The following ZNF536 variants were observed in gnomAD, a reference collection of about 807,000 sequenced individuals.
ZNF536 encodes the protein zinc finger protein 536.
In ZNF536, 13 loss-of-function variants were observed where a neutral mutation model predicts 84.5. That is an observed-to-expected ratio of 0.15 (90% confidence interval 0.10 to 0.24). The LOEUF (loss-of-function observed/expected upper bound fraction) is 0.24, where lower values mean the gene tolerates loss of function less well. Ranked by LOEUF, ZNF536 falls within the 10% of genes least tolerant of loss-of-function variation. ZNF536 has a pLI of 1.00. For synonymous variants in ZNF536, 811 were observed against 742.5 expected (o/e 1.09, Z -1.50); for missense variants, 1,536 against 1,747.5 (o/e 0.88, Z 2.16).
intron 1 of ZNF536, among the ~76,000 whole-genome samples, chr19:30,656,563 G>A (rs1256605800): frequency 6.6e-6 from 1 of 152,166 alleles, no homozygotes; most frequent in East Asian, 1.9e-4. Flanking sequence ...GAGCAGTGAG[G>A]TTAGTTCCTC....
intron 1 of ZNF536, among the ~76,000 whole-genome samples, chr19:30,661,848 C>T (rs1306758797): frequency 6.6e-6 from 1 of 152,046 alleles, no homozygotes; most frequent in Admixed American, 6.6e-5. Flanking sequence ...TGTATAAAAA[C>T]ATTAGATAGT....
rs1427014287 is a variant in ZNF536, at chr19:30,444,051, C to T, written c.489C>T (p.Cys163=). The T allele has an allele frequency of 3.7e-6, 6 of 1,613,582 alleles. No homozygotes were observed. The South Asian group carries it at 4.4e-5, about 12-fold the overall frequency. The change falls in exon 2 of 5, where the codon TGC becomes TGT. Residue 163 remains cysteine (C), a synonymous_variant. Transcript: ENST00000355537. ...AGAAGCCCTTCAAGTGCCCGTACTG[C>T]GACCACAGGGCGGCGCAGAAGGGGA... The part of the protein sequence containing the change: ...TGEKPFKCPY[C]DHRAAQKGNL...
At chr19:30,479,092 A>G (rs193039162) in intron 2 of ZNF536, among the ~76,000 whole-genome samples, 1 of 152,294 alleles carries the variant, frequency 6.6e-6, no homozygotes, top group East Asian at 1.9e-4. Context: ...CATATCAGTT[A>G]GGACAACACT....
chr19:30,311,897 C>T (rs181594573), intron 2 of ZNF536, among the ~76,000 whole-genome samples: 89 of 152,092 alleles, frequency 5.9e-4, no homozygotes, highest in Non-Finnish European at 1.1e-3. Context: ...AGTGAGACCT[C>T]ATCTCTACGA....
chr19:30,375,694 A>G (rs1767900881), intron 1 of ZNF536, among the ~76,000 whole-genome samples: 2 of 152,200 alleles, frequency 1.3e-5, no homozygotes, highest in African/African-American at 4.8e-5. Context: ...GCAGGCTGGA[A>G]TGTGCCGGCG....
intron 1 of ZNF536, among the ~76,000 whole-genome samples, chr19:30,251,076 T>C (rs543711294): frequency 6.6e-6 from 1 of 152,170 alleles, no homozygotes; most frequent in South Asian, 2.1e-4. Flanking sequence ...CCTCTATCCC[T>C]GCAGTCAGCA....
At chr19:30,253,773 G>A (rs1208847704) in intron 1 of ZNF536, among the ~76,000 whole-genome samples, 1 of 152,082 alleles carries the variant, frequency 6.6e-6, no homozygotes, top group African/African-American at 2.4e-5. Flanking sequence ...TCACGGCTGC[G>A]CTTTGAGATG....
intron 1 of ZNF536, among the ~76,000 whole-genome samples, chr19:30,612,792 G>T (rs557744673): frequency 6.6e-6 from 1 of 152,268 alleles, no homozygotes; most frequent in East Asian, 1.9e-4. Flanking sequence ...GATCAAAACT[G>T]GGAAATTAAC....
intron 1 of ZNF536, among the ~76,000 whole-genome samples, chr19:30,699,486 T>C (rs1319070765): frequency 6.6e-6 from 1 of 152,218 alleles, no homozygotes; most frequent in African/African-American, 2.4e-5. Context: ...TAAATTTATT[T>C]GTACTAAGGA....
At chr19:30,412,995 T>G (rs1190880490) in intron 1 of ZNF536, among the ~76,000 whole-genome samples, 1 of 151,864 alleles carries the variant, frequency 6.6e-6, no homozygotes, top group Non-Finnish European at 1.5e-5. Context: ...GTGTAGATTT[T>G]CAAATTTAAT....
chr19:30,473,517 G>C (rs533428008), intron 2 of ZNF536, among the ~76,000 whole-genome samples: 1 of 152,258 alleles, frequency 6.6e-6, no homozygotes, highest in African/African-American at 2.4e-5. Context: ...CCACCTTGCT[G>C]CCTATCTGTA....
intron 2 of ZNF536, among the ~76,000 whole-genome samples, chr19:30,498,672 CAGAG>C (rs996695260): frequency 6.6e-6 from 1 of 152,166 alleles, no homozygotes; most frequent in Non-Finnish European, 1.5e-5. Context: ...CTGCTGAAGA[CAGAG>C]AGGAATGCAT....
chr19:30,399,877 G>T lies in ZNF536; in HGVS notation c.-3+27321G>T, dbSNP rs143411866. ...TCAATTTTGTATTTGTGGTAGAGACGGGATTTCACCATGTTGGTTAGGCTG... is the reference window on the plus strand; with the variant it reads ...TCAATTTTGTATTTGTGGTAGAGACTGGATTTCACCATGTTGGTTAGGCTG... On this transcript the variant is annotated intron_variant, in intron 1 of 4. Transcript: ENST00000355537. 2.5e-3 allele frequency among the ~76,000 whole-genome samples: 374 copies of T among 152,044 alleles called. 4 individuals are homozygous for T. Among genetic ancestry groups the T allele is most frequent in the African/African-American group, 8.6e-3 (358 of 41,458 alleles).
At chr19:30,533,568 G>T (rs1396715448) in intron 2 of ZNF536, among the ~76,000 whole-genome samples, 1 of 152,102 alleles carries the variant, frequency 6.6e-6, no homozygotes. Flanking sequence ...CTTTCTCATG[G>T]TCTACAAGTC....
chr19:30,459,445 G>T (rs142077927), intron 2 of ZNF536, among the ~76,000 whole-genome samples: 1 of 149,106 alleles, frequency 6.7e-6, no homozygotes, highest in African/African-American at 2.5e-5. Context: ...CTGCTTTCCC[G>T]GTTCAAGTGA....
chr19:30,237,643 C>T (rs934014215), intron 1 of ZNF536, among the ~76,000 whole-genome samples: 3 of 152,140 alleles, frequency 2.0e-5, no homozygotes, highest in Non-Finnish European at 2.9e-5. Flanking sequence ...TTTTCACTGA[C>T]TGTATCATTG....
At chr19:30,333,662 G>A (rs779759085) in intron 2 of ZNF536, among the ~76,000 whole-genome samples, 6 of 152,132 alleles carry the variant, frequency 3.9e-5, no homozygotes, top group Non-Finnish European at 7.4e-5. Flanking sequence ...CACCTGGCCT[G>A]ACCTCACTCA....
chr19:30,384,614 A>G (rs10405711), intron 1 of ZNF536, among the ~76,000 whole-genome samples: 2,775 of 151,962 alleles, frequency 0.018, 84 homozygotes, highest in African/African-American at 0.061. Context: ...TTCTTCCTGC[A>G]TTGGATGGAA....
chr19:30,239,824 G>A (rs1267417057), intron 1 of ZNF536, among the ~76,000 whole-genome samples: 5 of 152,166 alleles, frequency 3.3e-5, no homozygotes, highest in East Asian at 1.9e-4. Context: ...GTCCAAATCC[G>A]TCTTGCTCCA....
Sources: allele counts gnomAD v4.1 joint callset (sites outside exome capture counted in the v4.1 genomes callset), GRCh38; gene constraint gnomAD v4.1.1; transcripts MANE v1.5; gene names NCBI Gene and HGNC (gene_info 2026-07-23, HGNC 2026-07-21).